The following PHTF1 variants were observed in gnomAD, a reference collection of about 807,000 sequenced individuals.
PHTF1 encodes putative homeodomain transcription factor 1, also known as protein PHTF1.
A neutral mutation model predicts 102.4 loss-of-function variants in PHTF1; 88 were observed. The ratio of observed to expected loss-of-function variants is 0.86; its 90% CI spans 0.72 to 1.03. The LOEUF is 1.03. Ranked by LOEUF, PHTF1 falls within the 50% of genes least tolerant of loss-of-function variation. The pLI is 0.00. For missense variants in PHTF1, 814 were observed against 909.5 expected (o/e 0.89, Z 1.35); for synonymous variants, 289 against 305.2 (o/e 0.95, Z 0.55).
At chr1:113,721,071 C>T (rs1652853219) in intron 7 of PHTF1, among the ~76,000 whole-genome samples, 1 of 152,128 alleles carries the variant, frequency 6.6e-6, no homozygotes. Context: ...TGCCACTGCA[C>T]TCAAGCCTGG....
chr1:113,749,331 T>C (rs951066773), intron 3 of PHTF1, among the ~76,000 whole-genome samples: 9 of 152,220 alleles, frequency 5.9e-5, no homozygotes, highest in Non-Finnish European at 1.3e-4. Flanking sequence ...GCGTGAAGCA[T>C]TTTGAATAGT....
At chr1:113,743,313 T>C (rs1005763664) in intron 3 of PHTF1, among the ~76,000 whole-genome samples, 1 of 151,988 alleles carries the variant, frequency 6.6e-6, no homozygotes, top group Non-Finnish European at 1.5e-5. Context: ...GTCAGGATCA[T>C]CAATATCATT....
rs748948155 is a variant in PHTF1, at chr1:113,705,947, C to A, written c.1614G>T (p.Leu538Phe). The A allele has an allele frequency of 6.2e-7, 1 of 1,613,968 alleles. No homozygotes were observed. Among genetic ancestry groups the A allele is most frequent in the Admixed American group, 1.7e-5 (1 of 60,002 alleles). Reference sequence around the variant, plus strand: ...TGAAAAAAAACATCCAAGTAAGACACAATCTTTCAAAAAAATTAATTATCG... The same window carrying A: ...TGAAAAAAAACATCCAAGTAAGACAAAATCTTTCAAAAAAATTAATTATCG... Reference protein sequence around the residue: ...VLSIINFFERLCLTWMFFFMM... With the variant: ...VLSIINFFERFCLTWMFFFMM... Residue 538 changes from leucine (L) to phenylalanine (F), a missense_variant, in exon 13 of 19, where the codon TTG becomes TTT. By Grantham distance (22) the Leu-to-Phe change is conservative. Coordinates refer to ENST00000369604, the MANE Select transcript of PHTF1 (RefSeq NM_001323043.2).
rs537127991 is a variant in PHTF1 at position 113,759,168 on chromosome 1, G to A, written c.-176C>T. The A allele has an allele frequency of 9.4e-5, 77 of 820,646 alleles. No individual in the cohort carries two copies. The African/African-American group carries it at 1.3e-3, about 14-fold the overall frequency. The allele number at this position is 820,646 out of a possible 1,614,324, so 50.8% of individuals were successfully genotyped here. On this transcript the variant is annotated 5_prime_UTR_variant, in exon 1 of 19. Coordinates refer to ENST00000369604, the MANE Select transcript of PHTF1 (RefSeq NM_001323043.2). ...AGACGCCGGAGAGGCCGTTACCATG[G>A]AGACCGCGGAGGCCGCCCCAGCTTC...
At chr1:113,758,882 A>AC (rs1659281957) in intron 1 of PHTF1, 141 bp downstream of exon 1, 3 of 1,320,372 alleles carry the variant, frequency 2.3e-6, no homozygotes, top group Admixed American at 3.6e-5. Flanking sequence ...AAACAAACAA[A>AC]AAAAAACTGG....
chr1:113,721,595 A>T (rs1388580966), intron 7 of PHTF1, among the ~76,000 whole-genome samples: 1 of 152,260 alleles, frequency 6.6e-6, no homozygotes, highest in Non-Finnish European at 1.5e-5. Flanking sequence ...ATAAGATCTT[A>T]TATTTGGAAA....
intron 5 of PHTF1, among the ~76,000 whole-genome samples, chr1:113,736,386 T>G (rs1295607321): frequency 2.7e-5 from 4 of 149,304 alleles, no homozygotes; most frequent in Non-Finnish European, 5.9e-5. Context: ...GGCCTCTTTA[T>G]GAAAGTTACA....
intron 5 of PHTF1, among the ~76,000 whole-genome samples, chr1:113,736,341 CAAA>C (rs57050485): frequency 1.6e-5 from 1 of 60,670 alleles, no homozygotes; most frequent in Non-Finnish European, 3.4e-5. Flanking sequence ...GACTCCATCT[CAAA>C]AAAAAAAAAA....
intron 5 of PHTF1, among the ~76,000 whole-genome samples, chr1:113,735,387 A>AT (rs1655328872): frequency 6.7e-6 from 1 of 149,030 alleles, no homozygotes; most frequent in African/African-American, 2.5e-5. Flanking sequence ...AAAAAAAAAA[A>AT]AAAAAAAAGG....
intron 12 of PHTF1, 86 bp from the exon 13 acceptor site, chr1:113,706,248 T>G (rs530295998): frequency 9.1e-7 from 1 of 1,098,092 alleles, no homozygotes; most frequent in African/African-American, 1.6e-5. Flanking sequence ...ATTTAGACTA[T>G]TAAAAACACA....
intron 11 of PHTF1, among the ~76,000 whole-genome samples, 193 bp from the exon 12 acceptor site, chr1:113,706,915 C>T (rs1377130293): frequency 1.5e-5 from 2 of 130,726 alleles, no homozygotes; most frequent in Admixed American, 8.5e-5. Context: ...TGGTCTCAAA[C>T]TCCTGGGCCC....
chr1:113,741,523 A>G (rs1656350353), intron 3 of PHTF1, among the ~76,000 whole-genome samples: 1 of 152,222 alleles, frequency 6.6e-6, no homozygotes, highest in Admixed American at 6.5e-5. Flanking sequence ...CATTTGTACC[A>G]GTGCTATTCC....
intron 3 of PHTF1, among the ~76,000 whole-genome samples, chr1:113,742,226 G>A (rs757894759): frequency 5.3e-5 from 8 of 152,154 alleles, no homozygotes; most frequent in Admixed American, 2.0e-4. Flanking sequence ...CTATTGCTCC[G>A]AGGCTACAAA....
chr1:113,750,439 A>G (rs938139876), intron 3 of PHTF1, among the ~76,000 whole-genome samples: 1 of 152,146 alleles, frequency 6.6e-6, no homozygotes, highest in Non-Finnish European at 1.5e-5. Context: ...TCAAACAGTG[A>G]TTTTTGTTCA....
chr1:113,729,096 G>T (rs776435425), intron 5 of PHTF1, among the ~76,000 whole-genome samples: 19 of 152,166 alleles, frequency 1.2e-4, no homozygotes, highest in Admixed American at 4.6e-4. Context: ...CCATAAAAAA[G>T]AATAAGATTC....
At chr1:113,701,030 G>A in intron 15 of PHTF1, 81 bp from the exon 16 acceptor site, 1 of 1,067,266 alleles carries the variant, frequency 9.4e-7, no homozygotes, top group Non-Finnish European at 1.4e-6. Context: ...GTCAATTTAA[G>A]AACATTTCCA....
chr1:113,710,800 A>G lies in PHTF1; in HGVS notation c.1048-325T>C, dbSNP rs1360179426. 4.7e-5 allele frequency among the ~76,000 whole-genome samples: 4 copies of G among 85,654 alleles called. No individual in the cohort carries two copies. In the South Asian group the frequency reaches 1.4e-3, roughly 31 times the overall value. The allele number at this position is 85,654 out of a possible 152,430, so 56.2% of individuals were successfully genotyped here. On this transcript the variant is annotated intron_variant, in intron 10 of 18. Transcript: ENST00000369604. ...CATACCATCACACCCGGATATATATATATATATATATTTTTTTTTTTTTTT... is the reference window on the plus strand; with the variant it reads ...CATACCATCACACCCGGATATATATGTATATATATATTTTTTTTTTTTTTT...
At chr1:113,735,238 T>C (rs1347896802) in intron 5 of PHTF1, among the ~76,000 whole-genome samples, 1 of 151,470 alleles carries the variant, frequency 6.6e-6, no homozygotes, top group Non-Finnish European at 1.5e-5. Flanking sequence ...TGGTAGTGTG[T>C]CTCTGTAGTC....
At chr1:113,755,204 T>C (rs916065182) in intron 3 of PHTF1, among the ~76,000 whole-genome samples, 1 of 152,142 alleles carries the variant, frequency 6.6e-6, no homozygotes, top group African/African-American at 2.4e-5. Context: ...TATTTTTTGT[T>C]TTCAAAAAAT....
Sources: allele counts gnomAD v4.1 joint callset (sites outside exome capture counted in the v4.1 genomes callset), GRCh38; gene constraint gnomAD v4.1.1; transcripts MANE v1.5; gene names NCBI Gene and HGNC (gene_info 2026-07-23, HGNC 2026-07-21).